Variants in ADGRA3 observed in about 807,000 individuals in gnomAD.
ADGRA3 encodes the protein G-protein coupled receptor 125.
A neutral mutation model predicts 119.8 loss-of-function variants in ADGRA3; 56 were observed. That is an observed-to-expected ratio of 0.47 (90% CI 0.38 to 0.58). The LOEUF is 0.58. ADGRA3 is among the 20% of genes least tolerant of loss of function. The pLI is 0.00. For missense variants in ADGRA3, 1,516 were observed against 1,649.0 expected (o/e 0.92, Z 1.40); for synonymous variants, 607 against 623.8 (o/e 0.97, Z 0.40).
chr4:22,474,683 G>C (rs1224321002), intron 1 of ADGRA3, among the ~76,000 whole-genome samples: 3 of 152,156 alleles, frequency 2.0e-5, no homozygotes, highest in African/African-American at 7.2e-5. Context: ...GTTAAGTAAA[G>C]GGCCCAAGAT....
intron 12 of ADGRA3, among the ~76,000 whole-genome samples, chr4:22,418,683 T>C (rs1388481716): frequency 2.0e-5 from 3 of 152,100 alleles, no homozygotes; most frequent in African/African-American, 4.8e-5. Context: ...ACAAGGTCAA[T>C]TTCCATTTGG....
Position 22,441,589 on chromosome 4 carries a change from C to G in ADGRA3, c.920+1061G>C, listed in dbSNP as rs777975514. Among the ~76,000 whole-genome samples, 3 of 152,240 alleles carry G rather than the reference C, an allele frequency of 2.0e-5. No individual in the cohort carries two copies. In the East Asian group the frequency reaches 5.8e-4, roughly 29 times the overall value. Reference sequence around the variant, plus strand: ...GCCAGATTTGGTTCATAGACTGTACCTAGCCAGCTTCTCCTCCACAGCAAA... The same window carrying G: ...GCCAGATTTGGTTCATAGACTGTACGTAGCCAGCTTCTCCTCCACAGCAAA... On this transcript the variant is annotated intron_variant, in intron 7 of 18. Coordinates refer to ENST00000334304, the MANE Select transcript of ADGRA3 (RefSeq NM_145290.4).
At chr4:22,413,875 AAT>A (rs1223826481) in intron 12 of ADGRA3, 61 bp from the exon 13 acceptor site, 31 of 1,098,308 alleles carry the variant, frequency 2.8e-5, no homozygotes, top group Middle Eastern at 5.8e-4. Context: ...ACCAGAAAAA[AAT>A]ATGTCAGATA....
intron 2 of ADGRA3, among the ~76,000 whole-genome samples, chr4:22,467,543 G>A (rs537898507): frequency 9.2e-5 from 14 of 152,174 alleles, no homozygotes; most frequent in Non-Finnish European, 2.1e-4. Context: ...AACTGAGTTA[G>A]TTAGCTAAAG....
At chr4:22,475,512 G>C (rs7678819) in intron 1 of ADGRA3, among the ~76,000 whole-genome samples, 133,540 of 152,092 alleles carry the variant, frequency 0.88, 58,800 homozygotes, top group East Asian at 0.99. Context: ...TGGATTATGA[G>C]GTCAGGAGAT....
rs61791982 is a variant in ADGRA3 at position 22,406,065 on chromosome 4, A to C, written c.2233-3266T>G. 5.4e-3 allele frequency among the ~76,000 whole-genome samples: 825 copies of C among 152,206 alleles called. 5 individuals carry two copies. Among genetic ancestry groups the C allele is most frequent in the Middle Eastern group, 0.044 (13 of 294 alleles). On this transcript the variant is annotated intron_variant, in intron 14 of 18. Transcript: ENST00000334304. ...CCACATATGAGTGAAAACATGCACT[A>C]TTTGTCATTCTGTACCTGGCTTATT...
intron 10 of ADGRA3, among the ~76,000 whole-genome samples, chr4:22,429,296 G>C (rs967942842): frequency 6.6e-6 from 1 of 152,148 alleles, no homozygotes; most frequent in Non-Finnish European, 1.5e-5. Context: ...GAGTACTCTG[G>C]AGAACTCTCC....
In ADGRA3 at chr4:22,390,414, A is replaced by T. The variant is rs1218225279; in HGVS notation, c.2628-1231T>A. On this transcript the variant is annotated intron_variant, in intron 17 of 18. Transcript: ENST00000334304. The stretch of plus-strand genomic sequence containing the variant: ...TATATATATATATAAAATACGTATT[A>T]TATATATATAATACGTATTATATAT... 1.4e-4 allele frequency among the ~76,000 whole-genome samples: 12 copies of T among 87,610 alleles called. 1 individual carries two copies. The highest frequency in any genetic ancestry group is 6.9e-4 in the African/African-American group (12 of 17,502). The allele number at this position is 87,610 out of a possible 152,430, so 57.5% of individuals were successfully genotyped here.
In ADGRA3 at chr4:22,515,931, TGCTCCTTTG is replaced by T. The variant is rs1276844084; in HGVS notation, c.-156_-148del. The T allele has an allele frequency of 4.6e-5, 17 of 371,686 alleles. No individual in the cohort carries two copies. Among genetic ancestry groups the T allele is most frequent in the African/African-American group, 3.5e-4 (16 of 45,232 alleles). 23.0% of individuals were successfully genotyped at this position (371,686 alleles called of 1,614,324 possible). A position where few individuals can be genotyped will look rare whatever the true frequency, so the allele number is the denominator to read the frequency against. ...GGACGGGCCTTCCCCGGCGCGGACA[TGCTCCTTTG>T]TCCGCTGCGGCTGCGCTGGGCCTCT... On this transcript the variant is annotated 5_prime_UTR_variant, in exon 1 of 19. Transcript: ENST00000334304.
intron 2 of ADGRA3, chr4:22,473,204 G>C (rs1717917247): frequency 6.6e-6 from 1 of 152,170 alleles, no homozygotes; most frequent in African/African-American, 2.4e-5. Context: ...AAGCCGAGCA[G>C]ATGCCAGCTC....
chr4:22,465,216 T>C (rs1285362663), intron 2 of ADGRA3, among the ~76,000 whole-genome samples: 1 of 152,156 alleles, frequency 6.6e-6, no homozygotes, highest in African/African-American at 2.4e-5. Context: ...GGAGCAGCCT[T>C]CTCCATTGCT....
chr4:22,450,233 G>T (rs1477275593), intron 4 of ADGRA3, among the ~76,000 whole-genome samples: 1 of 151,532 alleles, frequency 6.6e-6, no homozygotes, highest in African/African-American at 2.4e-5. Context: ...GGAGCAGCAG[G>T]TAAGTTACCC....
At chr4:22,492,164 G>A (rs1382081061) in intron 1 of ADGRA3, among the ~76,000 whole-genome samples, 1 of 152,122 alleles carries the variant, frequency 6.6e-6, no homozygotes, top group Admixed American at 6.5e-5. Flanking sequence ...GGGAATGCAG[G>A]AATGCGGAGG....
chr4:22,402,873 C>T (rs938072984), intron 14 of ADGRA3, 74 bp from the exon 15 acceptor site: 20 of 1,413,022 alleles, frequency 1.4e-5, no homozygotes, highest in African/African-American at 7.3e-5. Flanking sequence ...TTTTGAGTGA[C>T]GAAAACACAT....
intron 1 of ADGRA3, among the ~76,000 whole-genome samples, chr4:22,490,327 G>C (rs1371554581): frequency 6.6e-6 from 1 of 152,000 alleles, no homozygotes; most frequent in Non-Finnish European, 1.5e-5. Context: ...CATTTTTTAA[G>C]GTGTCTGTAT....
At chr4:22,489,518 A>C (rs1718550895) in intron 1 of ADGRA3, among the ~76,000 whole-genome samples, 1 of 152,238 alleles carries the variant, frequency 6.6e-6, no homozygotes, top group Non-Finnish European at 1.5e-5. Context: ...AAATATGTAC[A>C]TGAGCAAAAA....
intron 14 of ADGRA3, among the ~76,000 whole-genome samples, chr4:22,405,563 A>AG (rs1452096893): frequency 4.0e-5 from 6 of 151,168 alleles, no homozygotes; most frequent in East Asian, 1.9e-4. Flanking sequence ...AAAAAAAAAA[A>AG]TTAAATTAAA....
rs1381955291 is a variant in ADGRA3 at position 22,388,066 on chromosome 4, A to G, written c.3605T>C (p.Val1202Ala). ...CCGGCTTTTAGGTAAGCCGTTCTGC[A>G]CGCTTCCTTCCACGCTCGTTGGGAC... ...YDVPTSVEGS[V>A]QNGLPKSRLG... The change falls in exon 19 of 19, where the codon GTG becomes GCG. Residue 1202 changes from valine to alanine, a missense_variant. Val to Ala is a moderately conservative substitution (Grantham distance 64). Transcript: ENST00000334304. The G allele has an allele frequency of 6.2e-7, 1 of 1,614,082 alleles. No homozygotes were observed. The highest frequency in any genetic ancestry group is 1.1e-5 in the South Asian group (1 of 91,072).
intron 17 of ADGRA3, among the ~76,000 whole-genome samples, chr4:22,390,320 T>TTA (rs34566272): frequency 0.16 from 16,626 of 106,454 alleles, 2,240 homozygotes; most frequent in South Asian, 0.24. Flanking sequence ...TCTCTACTGC[T>TTA]TATATATATA....
Sources: allele counts gnomAD v4.1 joint callset (sites outside exome capture counted in the v4.1 genomes callset), GRCh38; gene constraint gnomAD v4.1.1; transcripts MANE v1.5; gene names NCBI Gene and HGNC (gene_info 2026-07-23, HGNC 2026-07-21).